The following DNMT3A variants were observed in gnomAD, a reference collection of about 807,000 sequenced individuals.
The protein encoded by DNMT3A is DNA methyltransferase 3 alpha.
Under a neutral mutation model 117.6 loss-of-function variants are expected in DNMT3A, and 267 were observed. The ratio of observed to expected loss-of-function variants is 2.27; its 90% CI spans 2.05 to 2.51. The LOEUF (loss-of-function observed/expected upper bound fraction) is 2.51, where lower values mean the gene tolerates loss of function less well. DNMT3A is among the 30% of genes most tolerant of loss of function. The pLI is 0.00. For missense variants in DNMT3A, 1,029 were observed against 1,260.2 expected, an observed-to-expected ratio of 0.82 and a Z score of 2.78; for synonymous variants, 432 against 474.8, an observed-to-expected ratio of 0.91 and a Z score of 1.17.
chr2:25,313,823 C>T lies in DNMT3A; in HGVS notation c.72+90G>A, dbSNP rs573851385. 5 of 1,536,728 alleles carry T rather than the reference C, an allele frequency of 3.3e-6. No homozygotes were observed. The South Asian group carries it at 6.0e-5, about 18-fold the overall frequency. ...GTGAGCACTGAGTGATGCGGTCATG[C>T]ACTCAGTATGAGGAGCCGGCTGTCA... On this transcript the variant is annotated intron_variant, in intron 2 of 22. Transcript: ENST00000321117.
rs970190697 is a variant in DNMT3A, at chr2:25,237,505, T to C, written c.2409-500A>G. Among the ~76,000 whole-genome samples, 1 of 152,210 alleles carries C rather than the reference T, an allele frequency of 6.6e-6. No individual in the cohort carries two copies. The highest frequency in any genetic ancestry group is 2.4e-5 in the African/African-American group (1 of 41,466). ...ATTCTGGGCCAGGCGCAGTGGCTCA[T>C]GCCTGCAATCCCAGCCCTTTGGAAG... On this transcript the variant is annotated intron_variant, in intron 20 of 22. Coordinates refer to ENST00000321117, the MANE Select transcript of DNMT3A (RefSeq NM_022552.5). This position sits in a 1 kb window ranked among gnomAD's most constrained non-coding sequence, Gnocchi z 5.4.
intron 3 of DNMT3A, among the ~76,000 whole-genome samples, chr2:25,299,122 G>A (rs1459095936): frequency 6.6e-6 from 1 of 152,198 alleles, no homozygotes. Context: ...AGCTGGAAGG[G>A]GGGTAAAAGA....
chr2:25,341,926 G>GCCCTCCCTCCCT (rs567631863), upstream of DNMT3A: 10 of 973,932 alleles, frequency 1.0e-5, no homozygotes, highest in Non-Finnish European at 1.1e-5. Context: ...CCGCCCGCGC[G>GCCCTCCCTCCCT]CCCTCCCTCC....
At chr2:25,299,706 G>A (rs1011279024) in intron 3 of DNMT3A, among the ~76,000 whole-genome samples, 2 of 152,180 alleles carry the variant, frequency 1.3e-5, no homozygotes, top group South Asian at 2.1e-4. Context: ...TGAAGTGGGC[G>A]GATCACTTGA....
At chr2:25,328,681 C>A (rs537711718) in intron 1 of DNMT3A, 5 of 523,458 alleles carry the variant, frequency 9.6e-6, no homozygotes, top group Admixed American at 8.1e-5. Flanking sequence ...GCAACATCCC[C>A]AGCACAGTGC....
chr2:25,327,744 AC>A lies in DNMT3A; in HGVS notation c.-177-13584del, dbSNP rs2034840991. ...TATTTATTTTCATCCCAACTGGATG[AC>A]TTGCAGTCCCTAAAATCCTACTCTT... On this transcript the variant is annotated intron_variant, in intron 1 of 22. Coordinates refer to ENST00000321117, the MANE Select transcript of DNMT3A (RefSeq NM_022552.5). The surrounding 1 kb of genome is among the most constrained non-coding windows in gnomAD (Gnocchi z 4.1). Among the ~76,000 whole-genome samples, 1 of 152,130 alleles carries A rather than the reference AC, an allele frequency of 6.6e-6. No homozygotes were observed. Among genetic ancestry groups the A allele is most frequent in the South Asian group, 2.1e-4 (1 of 4,834 alleles).
At chr2:25,269,873 C>T (rs1051505655) in intron 6 of DNMT3A, among the ~76,000 whole-genome samples, 3 of 152,108 alleles carry the variant, frequency 2.0e-5, no homozygotes, top group South Asian at 2.1e-4. Context: ...CATTCTGAGT[C>T]GTCTTAAATC....
intron 1 of DNMT3A, among the ~76,000 whole-genome samples, chr2:25,314,943 C>T (rs2034308707): frequency 6.6e-6 from 1 of 152,220 alleles, no homozygotes; most frequent in Non-Finnish European, 1.5e-5. Flanking sequence ...ACAAAGCCTG[C>T]AGCTCAGGCC....
rs1021848817 is a variant in DNMT3A, at chr2:25,281,451, A to G, written c.448+990T>C. On this transcript the variant is annotated intron_variant, in intron 4 of 22. Transcript: ENST00000321117. This position sits in a 1 kb window ranked among gnomAD's most constrained non-coding sequence, Gnocchi z 4.8. ...ATAATAAATGAATAAAAGCTTCTTA[A>G]TAAGTTTGGAAATTTGTATTCTGGA... 9 of 1,044,302 alleles carry G rather than the reference A, an allele frequency of 8.6e-6. No homozygotes were observed. Among genetic ancestry groups the G allele is most frequent in the African/African-American group, 5.0e-5 (3 of 59,976 alleles). 64.7% of individuals were successfully genotyped at this position (1,044,302 alleles called of 1,614,324 possible).
In DNMT3A at chr2:25,245,299, G is replaced by T. The variant is rs946346176; in HGVS notation, c.1508C>A (p.Thr503Asn). ...ICISCGSLNV[T>N]LEHPLFVGGM... The stretch of plus-strand genomic sequence containing the variant: ...TCCAACGAAGAGGGGGTGTTCCAGG[G>T]TAACATTGAGGCTCCCACAGGAGAT... Residue 503 changes from threonine (T) to asparagine (N), a missense_variant, in exon 13 of 23, where the codon ACC becomes AAC. Coordinates refer to ENST00000321117, the MANE Select transcript of DNMT3A (RefSeq NM_022552.5). The T allele has an allele frequency of 1.2e-6, 2 of 1,613,848 alleles. No individual in the cohort carries two copies. The highest frequency in any genetic ancestry group is 1.7e-6 in the Non-Finnish European group (2 of 1,179,986).
In DNMT3A at chr2:25,241,568, CTG is replaced by C. The variant is rs1674027421; in HGVS notation, c.2074_2075del (p.Gln692GlufsTer20). The C allele has an allele frequency of 1.2e-6, 2 of 1,613,296 alleles. No homozygotes were observed. Among genetic ancestry groups the C allele is most frequent in the Non-Finnish European group, 1.7e-6 (2 of 1,179,758 alleles). Reference protein sequence around the residue: ...MYVGDVRSVTQKHIQEWGPFD... With the variant: ...MYVGDVRSVTXKHIQEWGPFD... Reference sequence around the variant, plus strand: ...CCCCACAGCATGGACATACATGCTTCTGTGTGACGCTGCGGACGTCCCCGACG... The same window carrying C: ...CCCCACAGCATGGACATACATGCTTCTGTGACGCTGCGGACGTCCCCGACG... On this transcript the variant is annotated frameshift_variant, in exon 17 of 23. Transcript: ENST00000321117. LOFTEE classifies it high-confidence loss of function.
intron 2 of DNMT3A, among the ~76,000 whole-genome samples, chr2:25,303,705 G>A (rs1013186913): frequency 6.6e-6 from 1 of 152,262 alleles, no homozygotes; most frequent in Non-Finnish European, 1.5e-5. Flanking sequence ...TAAGAGCAGC[G>A]TTGTGAAAAG....
At chr2:25,321,934 G>C (rs907056111) in intron 1 of DNMT3A, among the ~76,000 whole-genome samples, 2 of 152,218 alleles carry the variant, frequency 1.3e-5, no homozygotes, top group African/African-American at 4.8e-5. Flanking sequence ...GAAGAGTACT[G>C]TCAATATTTA....
At chr2:25,330,316 G>C (rs1007394149) in intron 1 of DNMT3A, among the ~76,000 whole-genome samples, 1 of 152,206 alleles carries the variant, frequency 6.6e-6, no homozygotes, top group Non-Finnish European at 1.5e-5. Flanking sequence ...GCACAAACCA[G>C]AGAAACGTGG....
rs761980712 is a variant in DNMT3A at position 25,240,303 on chromosome 2, T to TCGAGAAATCG, written c.2311_2320dup (p.Glu774AlafsTer11). ...CCAAACCAAGGTTGCTGGCTATACC[T>TCGAGAAATCG]CGAGAAATCGCGAGATGTCCCTCTT... On this transcript the variant is annotated frameshift_variant and splice_region_variant, in exon 19 of 23. Coordinates refer to ENST00000321117, the MANE Select transcript of DNMT3A (RefSeq NM_022552.5). LOFTEE classifies it high-confidence loss of function. 1.2e-6 allele frequency: 2 copies of TCGAGAAATCG among 1,613,860 alleles called. No individual in the cohort carries two copies. Among genetic ancestry groups the TCGAGAAATCG allele is most frequent in the Non-Finnish European group, 8.5e-7 (1 of 1,179,960 alleles).
rs764303486 is a variant in DNMT3A at position 25,240,306 on chromosome 2, A to C, written c.2318T>G (p.Leu773Arg). The C allele has an allele frequency of 6.2e-7, 1 of 1,614,180 alleles. No individual in the cohort carries two copies. The change falls in exon 19 of 23, where the codon CTC (leucine) becomes CGC (arginine). Residue 773 changes from leucine (L) to arginine (R), a missense_variant. By Grantham distance (102) the Leu-to-Arg change is moderately radical. Transcript: ENST00000321117. ...VSDKRDISRF[L>R]ESNPVMIDAK... ...AACCAAGGTTGCTGGCTATACCTCGAGAAATCGCGAGATGTCCCTCTTGTC... is the reference window on the plus strand; with the variant it reads ...AACCAAGGTTGCTGGCTATACCTCGCGAAATCGCGAGATGTCCCTCTTGTC...
Position 25,234,160 on chromosome 2 carries a change from T to TTC in DNMT3A, c.*117_*118dup. 1 of 1,429,070 alleles carries TTC rather than the reference T, an allele frequency of 7.0e-7. No individual in the cohort carries two copies. The highest frequency in any genetic ancestry group is 1.6e-5 in the South Asian group (1 of 61,944). 88.5% of individuals were successfully genotyped at this position (1,429,070 alleles called of 1,614,324 possible). The stretch of plus-strand genomic sequence containing the variant: ...TGTGGTTTTTGTTTTAAATTCCTTT[T>TTC]TCTCTTCTGGGTGCTGATACTTCTC... On this transcript the variant is annotated 3_prime_UTR_variant, in exon 23 of 23. Coordinates refer to ENST00000321117, the MANE Select transcript of DNMT3A (RefSeq NM_022552.5). This position sits in a 1 kb window ranked among gnomAD's most constrained non-coding sequence, Gnocchi z 4.5.
In DNMT3A at chr2:25,297,800, G is replaced by A. The variant is rs1285854120; in HGVS notation, c.177+2339C>T. Among the ~76,000 whole-genome samples the A allele has an allele frequency of 2.0e-5, 3 of 152,208 alleles. No individual in the cohort carries two copies. The East Asian group carries it at 5.8e-4, about 29-fold the overall frequency. On this transcript the variant is annotated intron_variant, in intron 3 of 22. Transcript: ENST00000321117. The stretch of plus-strand genomic sequence containing the variant: ...GCTGGGATTACAGGCATGAGCCACT[G>A]CGCCTGGCCCAGCCTGCACATTTGG...
intron 3 of DNMT3A, among the ~76,000 whole-genome samples, chr2:25,295,049 C>A (rs983234777): frequency 6.6e-6 from 1 of 152,228 alleles, no homozygotes; most frequent in Admixed American, 6.5e-5. Context: ...ACTCACCCCC[C>A]AGGGCCTTGT....
Sources: gnomAD v4.1 joint callset for allele counts (sites outside exome capture counted in the v4.1 genomes callset) on GRCh38, gnomAD v4.1.1 for gene constraint, Gnocchi (gnomAD v3.1) non-coding constraint, MANE v1.5 for transcripts, NCBI Gene and HGNC (gene_info 2026-07-23, HGNC 2026-07-21) for gene names.